The following ENPP1 variants were observed in gnomAD, a reference collection of about 807,000 sequenced individuals.
The protein encoded by ENPP1 is ectonucleotide pyrophosphatase/phosphodiesterase family member 1.
ENPP1 carries 73 observed loss-of-function variants against 122.8 expected under a neutral mutation model. That is an observed-to-expected ratio of 0.59 (90% confidence interval 0.49 to 0.72). ENPP1 has a LOEUF of 0.72. ENPP1 is among the 30% of genes least tolerant of loss of function. The pLI is 0.00. For missense variants in ENPP1, 978 were observed against 1,128.1 expected (o/e 0.87, Z 1.91); for synonymous variants, 367 against 391.6 (o/e 0.94, Z 0.74).
chr6:131,832,477 G>T (rs1375679405), intron 1 of ENPP1, among the ~76,000 whole-genome samples: 2 of 152,188 alleles, frequency 1.3e-5, no homozygotes, highest in Non-Finnish European at 2.9e-5. Context: ...CATAAGATCT[G>T]GGAGAAGGAG....
intron 1 of ENPP1, chr6:131,828,037 C>T (rs1781566495): frequency 6.0e-6 from 4 of 670,214 alleles, no homozygotes; most frequent in Non-Finnish European, 8.5e-6. Flanking sequence ...ACAGTGTGTG[C>T]AAGAGCACCA....
chr6:131,817,005 T>G (rs1781422336), intron 1 of ENPP1, among the ~76,000 whole-genome samples: 1 of 152,206 alleles, frequency 6.6e-6, no homozygotes. Flanking sequence ...TCTCAGTGAT[T>G]ATGATTTAAT....
chr6:131,853,416 A>T (rs1188610691), intron 5 of ENPP1, among the ~76,000 whole-genome samples: 1 of 152,188 alleles, frequency 6.6e-6, no homozygotes, highest in Non-Finnish European at 1.5e-5. Flanking sequence ...AGTGGAAAAC[A>T]TAACCCTTTC....
At chr6:131,840,738 AC>A (rs1480617527) in intron 1 of ENPP1, among the ~76,000 whole-genome samples, 5 of 152,222 alleles carry the variant, frequency 3.3e-5, no homozygotes, top group Non-Finnish European at 7.3e-5. Flanking sequence ...TGTTTTGTGC[AC>A]AGGTGTCTCT....
chr6:131,866,235 TA>T (rs959634672), intron 11 of ENPP1, among the ~76,000 whole-genome samples: 3 of 151,738 alleles, frequency 2.0e-5, no homozygotes, highest in African/African-American at 7.3e-5. Context: ...CATAGACTAT[TA>T]AAAAAAACAC....
intron 1 of ENPP1, chr6:131,825,999 C>T (rs1010294791): frequency 5.1e-5 from 35 of 683,116 alleles, no homozygotes; most frequent in Non-Finnish European, 7.9e-5. Flanking sequence ...TGTCTAAGCA[C>T]GTCTGTAAAT....
chr6:131,815,509 T>C (rs1294979799), intron 1 of ENPP1, among the ~76,000 whole-genome samples: 3 of 152,220 alleles, frequency 2.0e-5, no homozygotes, highest in Non-Finnish European at 4.4e-5. Context: ...AAAAGCACTT[T>C]GCTAATTTCT....
At position 131,861,588 on chromosome 6, in the gene ENPP1, G is replaced by T; in HGVS notation, c.916-7G>T. 1.3e-6 allele frequency: 2 copies of T among 1,565,912 alleles called. No individual in the cohort carries two copies. Among genetic ancestry groups the T allele is most frequent in the Non-Finnish European group, 1.8e-6 (2 of 1,136,146 alleles). On this transcript the variant is annotated splice_region_variant and splice_polypyrimidine_tract_variant and intron_variant, in intron 8 of 24. Coordinates refer to ENST00000647893, the MANE Select transcript of ENPP1 (RefSeq NM_006208.3). ...ATTTCTTAATTTTCCTTCATTTTCTGCTCCAGATTTGGGTCACAGCTAAGT... is the reference window on the plus strand; with the variant it reads ...ATTTCTTAATTTTCCTTCATTTTCTTCTCCAGATTTGGGTCACAGCTAAGT...
intron 1 of ENPP1, among the ~76,000 whole-genome samples, chr6:131,811,094 C>T (rs750413767): frequency 2.0e-5 from 3 of 151,930 alleles, no homozygotes; most frequent in East Asian, 1.9e-4. Flanking sequence ...AGACTTCCAC[C>T]GAGATGTGTT....
chr6:131,884,532 G>A (rs368417885), intron 22 of ENPP1, among the ~76,000 whole-genome samples: 19 of 152,294 alleles, frequency 1.2e-4, no homozygotes, highest in African/African-American at 4.3e-4. Flanking sequence ...GCCCTTTGGG[G>A]AGTCCAACTC....
chr6:131,808,032 C>G lies in ENPP1; in HGVS notation c.-4C>G, dbSNP rs1781299696. On this transcript the variant is annotated 5_prime_UTR_variant, in exon 1 of 25. Coordinates refer to ENST00000647893, the MANE Select transcript of ENPP1 (RefSeq NM_006208.3). ...GCAGCGGGGCCGGAGCGGCCGGGGC[C>G]ACGATGGAGCGCGACGGCTGCGCGG... is the stretch of plus-strand genomic sequence containing the variant. 1 of 968,968 alleles carries G rather than the reference C, an allele frequency of 1.0e-6. No individual in the cohort carries two copies. 60.0% of individuals were successfully genotyped at this position (968,968 alleles called of 1,614,324 possible).
At chr6:131,812,707 T>G (rs965074307) in intron 1 of ENPP1, among the ~76,000 whole-genome samples, 1 of 152,158 alleles carries the variant, frequency 6.6e-6, no homozygotes, top group African/African-American at 2.4e-5. Flanking sequence ...TGGATTACTG[T>G]GTGTTTTTAT....
intron 1 of ENPP1, among the ~76,000 whole-genome samples, chr6:131,841,428 A>T (rs1781739728): frequency 6.6e-6 from 1 of 152,236 alleles, no homozygotes; most frequent in Non-Finnish European, 1.5e-5. Context: ...ATACCGTCTG[A>T]CACATTGGAA....
intron 1 of ENPP1, chr6:131,826,980 A>G: frequency 2.4e-6 from 1 of 416,312 alleles, no homozygotes; most frequent in South Asian, 2.6e-5. Context: ...CCAAAAAGCC[A>G]GTGCAGGATG....
Position 131,890,833 on chromosome 6 carries a change from T to C in ENPP1, c.*322T>C, listed in dbSNP as rs1782459934. The C allele has an allele frequency of 2.9e-6, 1 of 341,352 alleles. No homozygotes were observed. The highest frequency in any genetic ancestry group is 5.5e-6 in the Non-Finnish European group (1 of 182,522). 21.1% of individuals were successfully genotyped at this position (341,352 alleles called of 1,614,324 possible). Reference sequence around the variant, plus strand: ...GTGAACATTGTCTGGATACCAGATATTTGAATCTTTCTTACTATTGGTAAT... The same window carrying C: ...GTGAACATTGTCTGGATACCAGATACTTGAATCTTTCTTACTATTGGTAAT... On this transcript the variant is annotated 3_prime_UTR_variant, in exon 25 of 25. Coordinates refer to ENST00000647893, the MANE Select transcript of ENPP1 (RefSeq NM_006208.3).
intron 6 of ENPP1, among the ~76,000 whole-genome samples, chr6:131,857,834 C>T (rs535665685): frequency 6.6e-6 from 1 of 152,248 alleles, no homozygotes; most frequent in African/African-American, 2.4e-5. Flanking sequence ...CCTTTGTTAC[C>T]ATTATCAGGA....
At chr6:131,824,477 C>T (rs1445937072) in intron 1 of ENPP1, among the ~76,000 whole-genome samples, 2 of 137,860 alleles carry the variant, frequency 1.5e-5, no homozygotes, top group Admixed American at 7.2e-5. Context: ...TTGTTTGAGA[C>T]GGAGTCTCTC....
chr6:131,888,055 T>A (rs756656867), intron 24 of ENPP1, among the ~76,000 whole-genome samples: 2 of 151,834 alleles, frequency 1.3e-5, no homozygotes, highest in African/African-American at 2.4e-5. Context: ...GGAGATGGGG[T>A]TTCGCCGTGT....
intron 11 of ENPP1, among the ~76,000 whole-genome samples, chr6:131,866,950 T>A (rs1298012285): frequency 6.6e-6 from 1 of 152,246 alleles, no homozygotes; most frequent in Non-Finnish European, 1.5e-5. Context: ...AGGATCATTT[T>A]ATACTTGTTT....
Sources: gnomAD v4.1 joint callset for allele counts (sites outside exome capture counted in the v4.1 genomes callset) on GRCh38, gnomAD v4.1.1 for gene constraint, MANE v1.5 for transcripts, NCBI Gene and HGNC (gene_info 2026-07-23, HGNC 2026-07-21) for gene names.